Variants in PARVA observed in about 807,000 individuals in gnomAD.
PARVA encodes alpha-parvin.
Under a neutral mutation model 52.6 loss-of-function variants are expected in PARVA, and 25 were observed. The observed-to-expected ratio is 0.48, with a 90% confidence interval of 0.35 to 0.66. PARVA has a LOEUF of 0.66. PARVA is among the 30% of genes least tolerant of loss of function. PARVA has a pLI of 0.01. For synonymous variants in PARVA, 185 were observed against 179.1 expected (o/e 1.03, Z -0.26); for missense variants, 373 against 450.9 (o/e 0.83, Z 1.56).
At position 12,512,452 on chromosome 11, in the gene PARVA, C is replaced by G. The variant is rs548164193; in HGVS notation, c.737-847C>G. Among the ~76,000 whole-genome samples the G allele has an allele frequency of 1.4e-4, 22 of 152,300 alleles. 1 individual carries two copies. The highest frequency in any genetic ancestry group is 1.2e-3 in the East Asian group (6 of 5,176). On this transcript the variant is annotated intron_variant, in intron 8 of 12. Coordinates refer to ENST00000334956, the MANE Select transcript of PARVA (RefSeq NM_018222.5). ...AAAAGGCAGGCCTCAGGGCCTCGCA[C>G]CCTCCCAGCCCCAGGTTCACCTTGG... is the stretch of plus-strand genomic sequence containing the variant.
At chr11:12,447,459 C>T (rs531196232) in intron 1 of PARVA, among the ~76,000 whole-genome samples, 1 of 152,256 alleles carries the variant, frequency 6.6e-6, no homozygotes, top group Admixed American at 6.5e-5. Context: ...TGCCGAGCCC[C>T]GAGCCCGGTA....
chr11:12,440,757 ACT>A (rs1940454852), intron 1 of PARVA, among the ~76,000 whole-genome samples: 1 of 152,142 alleles, frequency 6.6e-6, no homozygotes, highest in South Asian at 2.1e-4. Flanking sequence ...CCAAGGGGCC[ACT>A]CTCAGCTCCT....
At chr11:12,450,665 C>T (rs1228135132) in intron 1 of PARVA, among the ~76,000 whole-genome samples, 4 of 152,172 alleles carry the variant, frequency 2.6e-5, no homozygotes, top group African/African-American at 4.8e-5. Context: ...GCAAGGAAGC[C>T]AGTGGTGGGT....
chr11:12,396,806 A>C (rs61875446), intron 1 of PARVA, among the ~76,000 whole-genome samples: 16,606 of 152,212 alleles, frequency 0.11, 1,262 homozygotes, highest in African/African-American at 0.21. Flanking sequence ...GAAATATAAA[A>C]TGAAAAGTAA....
chr11:12,456,652 C>T (rs976139093), intron 1 of PARVA, among the ~76,000 whole-genome samples: 3 of 152,126 alleles, frequency 2.0e-5, no homozygotes, highest in Admixed American at 2.0e-4. Context: ...GTTCCCTGTT[C>T]TCATGTCTCC....
At chr11:12,492,664 T>A (rs1002727913) in intron 4 of PARVA, among the ~76,000 whole-genome samples, 2 of 152,158 alleles carry the variant, frequency 1.3e-5, no homozygotes, top group African/African-American at 4.8e-5. Context: ...ATATGTCACA[T>A]AAGCCTGCAA....
At chr11:12,438,915 A>C (rs1940424188) in intron 1 of PARVA, among the ~76,000 whole-genome samples, 1 of 152,192 alleles carries the variant, frequency 6.6e-6, no homozygotes, top group South Asian at 2.1e-4. Context: ...GGAAACCAGG[A>C]TGGGAAGAAA....
intron 1 of PARVA, among the ~76,000 whole-genome samples, chr11:12,389,815 G>A (rs188249986): frequency 1.6e-3 from 251 of 152,288 alleles, no homozygotes; most frequent in African/African-American, 5.7e-3. Context: ...GTTAGAGCAC[G>A]TCATTATCAC....
chr11:12,470,645 A>G (rs1940920928), intron 1 of PARVA, among the ~76,000 whole-genome samples: 5 of 152,190 alleles, frequency 3.3e-5, no homozygotes, highest in Admixed American at 2.0e-4. Flanking sequence ...TAACAGCCAT[A>G]TAAGTTTTTA....
intron 1 of PARVA, among the ~76,000 whole-genome samples, chr11:12,418,470 G>T (rs1285075481): frequency 6.6e-6 from 1 of 152,180 alleles, no homozygotes; most frequent in Non-Finnish European, 1.5e-5. Context: ...GGCAGGATGG[G>T]TGTGGGAGGA....
intron 1 of PARVA, among the ~76,000 whole-genome samples, chr11:12,472,829 G>A (rs1940951177): frequency 6.6e-6 from 1 of 152,180 alleles, no homozygotes; most frequent in South Asian, 2.1e-4. Context: ...AAAGCAAGGG[G>A]ATTTAAGTCA....
At chr11:12,513,464 A>G (rs767881683) in intron 9 of PARVA, 104 bp downstream of exon 9, 3 of 982,386 alleles carry the variant, frequency 3.1e-6, no homozygotes, top group Non-Finnish European at 5.0e-6. Flanking sequence ...AACTGGTGGC[A>G]TCACCTAACC....
chr11:12,385,564 T>C (rs2134947358), intron 1 of PARVA, among the ~76,000 whole-genome samples: 1 of 152,334 alleles, frequency 6.6e-6, no homozygotes, highest in Middle Eastern at 3.4e-3. Context: ...TGGAGAATCC[T>C]GGAGGAGGTC....
chr11:12,477,775 A>G, intron 3 of PARVA, 72 bp from the exon 4 acceptor site: 2 of 811,236 alleles, frequency 2.5e-6, no homozygotes, highest in South Asian at 1.4e-5. Flanking sequence ...TAGGATAAGA[A>G]AGCTGGTCTG....
At position 12,471,554 on chromosome 11, in the gene PARVA, A is replaced by T. The variant is rs570603989; in HGVS notation, c.137-2191A>T. Reference sequence around the variant, plus strand: ...ATAAAGAAAGGATCATGTAATTTGCAGCGACGTGGATGGAGCTGGAGGCCA... The same window carrying T: ...ATAAAGAAAGGATCATGTAATTTGCTGCGACGTGGATGGAGCTGGAGGCCA... On this transcript the variant is annotated intron_variant, in intron 1 of 12. Coordinates refer to ENST00000334956, the MANE Select transcript of PARVA (RefSeq NM_018222.5). Among the ~76,000 whole-genome samples the T allele has an allele frequency of 1.9e-4, 29 of 151,594 alleles. 1 individual carries two copies. The highest frequency in any genetic ancestry group is 1.5e-3 in the South Asian group (7 of 4,748).
chr11:12,442,925 G>A (rs1589958908), intron 1 of PARVA, among the ~76,000 whole-genome samples: 1 of 147,956 alleles, frequency 6.8e-6, no homozygotes, highest in East Asian at 2.1e-4. Context: ...TGCAGGGTGC[G>A]ATTTTGGCTC....
intron 1 of PARVA, among the ~76,000 whole-genome samples, chr11:12,380,035 G>A (rs1209831146): frequency 2.0e-5 from 3 of 152,052 alleles, no homozygotes; most frequent in Admixed American, 2.0e-4. Context: ...ATGAGTCTGG[G>A]GTGGCCTTTT....
intron 11 of PARVA, 89 bp from the exon 12 acceptor site, chr11:12,518,356 T>A (rs758684088): frequency 5.8e-5 from 54 of 934,040 alleles, no homozygotes; most frequent in Non-Finnish European, 8.6e-5. Flanking sequence ...TCCCTCTGGC[T>A]ACAGTGCTGG....
chr11:12,445,648 T>C (rs929623077), intron 1 of PARVA, among the ~76,000 whole-genome samples: 14 of 152,160 alleles, frequency 9.2e-5, no homozygotes, highest in Admixed American at 3.3e-4. Flanking sequence ...CCTCGTAAGG[T>C]TGGGCTCAGG....
Sources: gnomAD v4.1 joint callset for allele counts (sites outside exome capture counted in the v4.1 genomes callset) on GRCh38, gnomAD v4.1.1 for gene constraint, MANE v1.5 for transcripts, NCBI Gene and HGNC (gene_info 2026-07-23, HGNC 2026-07-21) for gene names.